Variants in ITIH5 observed in about 807,000 individuals in gnomAD.
ITIH5 encodes the protein inter-alpha-trypsin inhibitor heavy chain 5.
ITIH5 carries 65 observed loss-of-function variants against 77.5 expected under a neutral mutation model. The observed-to-expected ratio is 0.84, with a 90% CI of 0.69 to 1.03. The LOEUF (loss-of-function observed/expected upper bound fraction) is 1.03, where lower values mean the gene tolerates loss of function less well. Among genes scored for constraint, ITIH5 ranks in the 50% least tolerant of loss-of-function variants. The pLI is 0.00. For missense variants in ITIH5, 1,208 were observed against 1,213.1 expected (o/e 1.00, Z 0.06); for synonymous variants, 525 against 494.3 (o/e 1.06, Z -0.82).
chr10:7,565,178 G>A (rs1832121897), intron 13 of ITIH5, among the ~76,000 whole-genome samples: 3 of 75,762 alleles, frequency 4.0e-5, no homozygotes, highest in African/African-American at 8.3e-5. Flanking sequence ...TACATACACA[G>A]GCTATATATA....
chr10:7,604,442 G>A (rs1833081723), intron 7 of ITIH5, among the ~76,000 whole-genome samples: 1 of 152,218 alleles, frequency 6.6e-6, no homozygotes, highest in South Asian at 2.1e-4. Context: ...TCTCCTGGGG[G>A]ATATCACTTA....
At chr10:7,652,977 G>T (rs1165154621) in intron 2 of ITIH5, among the ~76,000 whole-genome samples, 1 of 152,126 alleles carries the variant, frequency 6.6e-6, no homozygotes, top group African/African-American at 2.4e-5. Flanking sequence ...TTGTTATGGA[G>T]AATGGTTTGA....
At chr10:7,609,152 T>C (rs1409992758) in intron 7 of ITIH5, among the ~76,000 whole-genome samples, 1 of 152,190 alleles carries the variant, frequency 6.6e-6, no homozygotes, top group Non-Finnish European at 1.5e-5. Context: ...TTCCCATGCA[T>C]AAAATAGGGA....
intron 5 of ITIH5, chr10:7,621,204 A>C (rs1333795435): frequency 6.6e-6 from 1 of 152,234 alleles, no homozygotes; most frequent in Non-Finnish European, 1.5e-5. Flanking sequence ...ATTATCTCTA[A>C]GATTCTACAA....
chr10:7,637,134 G>A (rs1046486437), intron 5 of ITIH5, 94 bp downstream of exon 5: 1 of 1,432,090 alleles, frequency 7.0e-7, no homozygotes, highest in Non-Finnish European at 9.4e-7. Context: ...TTTGCTGAAG[G>A]GAAGGGTGCC....
intron 4 of ITIH5, among the ~76,000 whole-genome samples, chr10:7,640,314 A>C (rs555347097): frequency 6.6e-6 from 1 of 151,974 alleles, no homozygotes; most frequent in South Asian, 2.1e-4. Flanking sequence ...CTACAAAAAA[A>C]ATAAAAATAA....
chr10:7,638,811 C>T (rs1833840342), intron 4 of ITIH5, among the ~76,000 whole-genome samples: 1 of 152,202 alleles, frequency 6.6e-6, no homozygotes, highest in South Asian at 2.1e-4. Flanking sequence ...GTTTTAAAAG[C>T]TCTGAAATCA....
intron 7 of ITIH5, among the ~76,000 whole-genome samples, chr10:7,594,548 A>C (rs941436143): frequency 6.6e-6 from 1 of 152,134 alleles, no homozygotes; most frequent in South Asian, 2.1e-4. Flanking sequence ...GGCATATAAA[A>C]TGTATGATCA....
At chr10:7,644,567 A>T (rs1329356315) in intron 2 of ITIH5, among the ~76,000 whole-genome samples, 22 of 60,028 alleles carry the variant, frequency 3.7e-4, no homozygotes, top group Admixed American at 9.8e-4. Context: ...CATATATATG[A>T]TATATATCAC....
chr10:7,608,770 A>G (rs1287855390), intron 7 of ITIH5, among the ~76,000 whole-genome samples: 1 of 152,216 alleles, frequency 6.6e-6, no homozygotes, highest in East Asian at 1.9e-4. Flanking sequence ...ATGAAAGGGA[A>G]AGAAGTTTGC....
At chr10:7,629,396 T>C (rs866180406) in intron 5 of ITIH5, among the ~76,000 whole-genome samples, 2 of 107,756 alleles carry the variant, frequency 1.9e-5, no homozygotes, top group East Asian at 2.4e-4. Flanking sequence ...CGTGTGTCCA[T>C]GTTGTAGAGT....
At chr10:7,636,684 G>A (rs1833802272) in intron 5 of ITIH5, among the ~76,000 whole-genome samples, 1 of 152,088 alleles carries the variant, frequency 6.6e-6, no homozygotes, top group African/African-American at 2.4e-5. Flanking sequence ...TAGATTTCCA[G>A]AAGTGGTATT....
chr10:7,579,053 G>A (rs935783528), intron 9 of ITIH5, among the ~76,000 whole-genome samples: 3 of 152,198 alleles, frequency 2.0e-5, no homozygotes, highest in Admixed American at 2.0e-4. Context: ...TTACTAGAAA[G>A]TGCTTTGAAA....
intron 5 of ITIH5, among the ~76,000 whole-genome samples, chr10:7,630,530 GT>G (rs572231806): frequency 6.3e-4 from 96 of 152,332 alleles, no homozygotes; most frequent in African/African-American, 2.3e-3. Context: ...ATCCTAGGGT[GT>G]GAGAAGTGGT....
At chr10:7,626,827 G>A (rs1381322807) in intron 5 of ITIH5, among the ~76,000 whole-genome samples, 1 of 152,148 alleles carries the variant, frequency 6.6e-6, no homozygotes, top group Non-Finnish European at 1.5e-5. Context: ...CAGATTTTCT[G>A]TAACCAGAAT....
At chr10:7,665,965 G>C (rs1445260183) in intron 1 of ITIH5, among the ~76,000 whole-genome samples, 2 of 152,186 alleles carry the variant, frequency 1.3e-5, no homozygotes, top group Non-Finnish European at 2.9e-5. Context: ...CAAAACAGGG[G>C]CTGGAAAAGG....
chr10:7,643,823 C>T (rs1833925470), intron 2 of ITIH5, among the ~76,000 whole-genome samples: 1 of 152,228 alleles, frequency 6.6e-6, no homozygotes, highest in African/African-American at 2.4e-5. Context: ...AAAGTTACTA[C>T]AGAGGGTTAT....
At chr10:7,564,287 T>C (rs1832097016) in intron 13 of ITIH5, among the ~76,000 whole-genome samples, 1 of 152,252 alleles carries the variant, frequency 6.6e-6, no homozygotes, top group Non-Finnish European at 1.5e-5. Flanking sequence ...TCATATTACA[T>C]ATGTAGTAAT....
chr10:7,578,322 T>C (rs200528344), intron 9 of ITIH5: 214 of 167,830 alleles, frequency 1.3e-3, no homozygotes, highest in Non-Finnish European at 2.6e-3. Context: ...GAGGATCATC[T>C]GGGATGATGC....
Sources: gnomAD v4.1 joint callset for allele counts (sites outside exome capture counted in the v4.1 genomes callset) on GRCh38, gnomAD v4.1.1 for gene constraint, MANE v1.5 for transcripts, NCBI Gene and HGNC (gene_info 2026-07-23, HGNC 2026-07-21) for gene names.